SEMA5A: variants seen among roughly 807,000 people sequenced by gnomAD.
SEMA5A encodes the protein semaphorin-5A.
In SEMA5A, 55 loss-of-function variants were observed where a neutral mutation model predicts 135.5. The observed-to-expected ratio is 0.41, with a 90% CI of 0.33 to 0.51. The LOEUF (loss-of-function observed/expected upper bound fraction) is 0.51. SEMA5A is among the 20% of genes least tolerant of loss of function. The probability of loss-of-function intolerance (pLI) is 0.37; values close to 1 mark genes in which losing one functional copy is unlikely to be tolerated. For synonymous variants in SEMA5A, 580 were observed against 546.5 expected (o/e 1.06, Z -0.85); for missense variants, 1,290 against 1,419.9 (o/e 0.91, Z 1.47).
intron 16 of SEMA5A, among the ~76,000 whole-genome samples, chr5:9,074,292 C>G (rs1157483995): frequency 6.6e-6 from 1 of 152,070 alleles, no homozygotes; most frequent in Non-Finnish European, 1.5e-5. Flanking sequence ...ATTGAATATC[C>G]ACATGTGAAA....
At chr5:9,318,350 G>T in intron 5 of SEMA5A, 22 bp downstream of exon 5, 2 of 1,606,292 alleles carry the variant, frequency 1.2e-6, no homozygotes, top group South Asian at 1.1e-5. Context: ...ATGAAAGCTT[G>T]AGAAAAATAA....
chr5:9,306,091 C>T (rs571461206), intron 5 of SEMA5A, among the ~76,000 whole-genome samples: 1 of 152,316 alleles, frequency 6.6e-6, no homozygotes, highest in African/African-American at 2.4e-5. Flanking sequence ...CCCTTTTCCA[C>T]GAGTTTTCAG....
chr5:9,061,509 G>A (rs1347097613), intron 18 of SEMA5A, among the ~76,000 whole-genome samples: 1 of 152,086 alleles, frequency 6.6e-6, no homozygotes, highest in Non-Finnish European at 1.5e-5. Flanking sequence ...CATGACGTGT[G>A]GGCTGAAGAC....
chr5:9,409,112 G>A (rs970765379), intron 2 of SEMA5A, among the ~76,000 whole-genome samples: 1 of 152,068 alleles, frequency 6.6e-6, no homozygotes, highest in East Asian at 1.9e-4. Context: ...CTGGAGTCCC[G>A]ATGCCAACTG....
chr5:9,213,989 A>AT (rs5865812), intron 8 of SEMA5A, among the ~76,000 whole-genome samples: 4,464 of 152,222 alleles, frequency 0.029, 233 homozygotes, highest in African/African-American at 0.1. Flanking sequence ...GGAAAGTGCA[A>AT]CTTGAACAGT....
intron 10 of SEMA5A, 112 bp downstream of exon 10, chr5:9,197,056 C>T (rs539350976): frequency 4.2e-6 from 6 of 1,438,416 alleles, no homozygotes; most frequent in Non-Finnish European, 5.7e-6. Flanking sequence ...GCCAGGGAGA[C>T]AGCTGCATGG....
At chr5:9,348,023 C>T (rs1753952818) in intron 3 of SEMA5A, among the ~76,000 whole-genome samples, 1 of 152,152 alleles carries the variant, frequency 6.6e-6, no homozygotes, top group East Asian at 1.9e-4. Flanking sequence ...CTTGTCAAAT[C>T]TCAGGATCTA....
chr5:9,147,724 C>CAAAAAAAAAAAAAAAAAA, intron 12 of SEMA5A, among the ~76,000 whole-genome samples: 1 of 102,488 alleles, frequency 9.8e-6, no homozygotes, highest in Non-Finnish European at 1.9e-5. Context: ...TAAAACAAAC[C>CAAAAAAAAAAAAAAAAAA]AAAAAAAAAA....
At chr5:9,500,358 C>T (rs1021664602) in intron 1 of SEMA5A, among the ~76,000 whole-genome samples, 24 of 152,308 alleles carry the variant, frequency 1.6e-4, no homozygotes, top group African/African-American at 5.8e-4. Context: ...TTCCAAATGA[C>T]AAGAGAGCTT....
At chr5:9,327,954 T>C (rs1166259136) in intron 4 of SEMA5A, among the ~76,000 whole-genome samples, 1 of 152,234 alleles carries the variant, frequency 6.6e-6, no homozygotes. Flanking sequence ...TCCTTTAACC[T>C]GTGATTTCCT....
At position 9,182,763 on chromosome 5, in the gene SEMA5A, A is replaced by C. The variant is rs945751971; in HGVS notation, c.1273+7504T>G. Among the ~76,000 whole-genome samples the C allele has an allele frequency of 2.6e-5, 4 of 151,638 alleles. No individual in the cohort carries two copies. The East Asian group carries it at 5.8e-4, about 22-fold the overall frequency. ...ATGGCGGATCCTGTAGCAATACAGT[A>C]CTGTTGGTTTAGAAAGAAATTGTAC... is the stretch of plus-strand genomic sequence containing the variant. On this transcript the variant is annotated intron_variant, in intron 11 of 22. Coordinates refer to ENST00000382496, the MANE Select transcript of SEMA5A (RefSeq NM_003966.3).
In SEMA5A at chr5:9,108,221, C is replaced by T. The variant is rs34874986; in HGVS notation, c.1992G>A (p.Arg664=). The part of the protein sequence containing the change: ...MFWTGWGPWE[R]CTAQCGGGIQ... ...TGCCACCCCCGCATTGGGCTGTGCA[C>T]CGTTCCCAAGGACCCCAGCCTGTCC... The change falls in exon 16 of 23, where the codon CGG becomes CGA. Residue 664 remains arginine (R), a synonymous_variant. Transcript: ENST00000382496. 120,081 of 1,613,930 alleles carry T rather than the reference C, an allele frequency of 0.074. 8,209 individuals carry two copies. The highest frequency in any genetic ancestry group is 0.35 in the East Asian group (15,704 of 44,858).
chr5:9,323,657 C>CTTT (rs35243676), intron 4 of SEMA5A, among the ~76,000 whole-genome samples: 25 of 108,946 alleles, frequency 2.3e-4, no homozygotes, highest in African/African-American at 2.9e-4. Flanking sequence ...TCTTTTTTTC[C>CTTT]TTTTTTTTTT....
rs138685961 is a variant in SEMA5A, at chr5:9,243,254, G to A, written c.271-5364C>T. Among the ~76,000 whole-genome samples, 1,132 of 152,198 alleles carry A rather than the reference G, an allele frequency of 7.4e-3. 17 individuals carry two copies. Among genetic ancestry groups the A allele is most frequent in the Admixed American group, 0.038 (580 of 15,296 alleles). On this transcript the variant is annotated intron_variant, in intron 5 of 22. Coordinates refer to ENST00000382496, the MANE Select transcript of SEMA5A (RefSeq NM_003966.3). ...CCTCTCCCAGCCCCTGGGGTCTGCCGCTGACCTGTGGTACGACTTGGCTTA... is the reference window on the plus strand; with the variant it reads ...CCTCTCCCAGCCCCTGGGGTCTGCCACTGACCTGTGGTACGACTTGGCTTA...
At chr5:9,415,674 T>C (rs113417145) in intron 2 of SEMA5A, among the ~76,000 whole-genome samples, 2,662 of 152,290 alleles carry the variant, frequency 0.017, 74 homozygotes, top group African/African-American at 0.061. Flanking sequence ...TTACATGCAA[T>C]TTTCCTTTAA....
chr5:9,257,252 T>C (rs1030972251), intron 5 of SEMA5A, among the ~76,000 whole-genome samples: 1 of 152,176 alleles, frequency 6.6e-6, no homozygotes, highest in Non-Finnish European at 1.5e-5. Flanking sequence ...AGAAAACTCT[T>C]TACCTATCAT....
At chr5:9,058,265 A>G (rs1021579051) in intron 18 of SEMA5A, among the ~76,000 whole-genome samples, 1 of 152,202 alleles carries the variant, frequency 6.6e-6, no homozygotes, top group Non-Finnish European at 1.5e-5. Context: ...GACTTGAGGC[A>G]TAGAGAGGTT....
At chr5:9,184,097 A>G (rs1426184643) in intron 11 of SEMA5A, among the ~76,000 whole-genome samples, 1 of 151,202 alleles carries the variant, frequency 6.6e-6, no homozygotes, top group Non-Finnish European at 1.5e-5. Context: ...CTATTCCTTG[A>G]GATTTTCATT....
intron 10 of SEMA5A, 75 bp downstream of exon 10, chr5:9,197,093 C>G: frequency 1.9e-6 from 3 of 1,589,410 alleles, no homozygotes; most frequent in Non-Finnish European, 2.6e-6. Flanking sequence ...TTAAATTACC[C>G]TTGCCTGTCT....
Sources: gnomAD v4.1 joint callset for allele counts (sites outside exome capture counted in the v4.1 genomes callset) on GRCh38, gnomAD v4.1.1 for gene constraint, MANE v1.5 for transcripts, NCBI Gene and HGNC (gene_info 2026-07-23, HGNC 2026-07-21) for gene names.